Variants in RXRG observed in about 807,000 individuals in gnomAD.
The protein encoded by RXRG is retinoid X receptor gamma.
Under a neutral mutation model 49.2 loss-of-function variants are expected in RXRG, and 19 were observed. The observed-to-expected ratio is 0.39, with a 90% confidence interval of 0.27 to 0.57. RXRG has a LOEUF of 0.57. Ranked by LOEUF, RXRG falls within the 20% of genes least tolerant of loss-of-function variation. The pLI is 0.64. For synonymous variants in RXRG, 224 were observed against 216.6 expected, an observed-to-expected ratio of 1.03 and a Z score of -0.30; for missense variants, 452 against 592.5, an observed-to-expected ratio of 0.76 and a Z score of 2.46.
intron 2 of RXRG, among the ~76,000 whole-genome samples, chr1:165,420,602 G>T (rs564178151): frequency 6.6e-6 from 1 of 152,258 alleles, no homozygotes; most frequent in African/African-American, 2.4e-5. Context: ...ATGTGTAATG[G>T]TCATCTCTGC....
Position 165,445,005 on chromosome 1 carries a change from T to A in RXRG, c.-112A>T. The A allele has an allele frequency of 1.0e-6, 1 of 981,634 alleles. No homozygotes were observed. 60.8% of individuals were successfully genotyped at this position (981,634 alleles called of 1,614,324 possible). A position where few individuals can be genotyped will look rare whatever the true frequency, so the allele number is the denominator to read the frequency against. ...CAACTTGGGCTAACAAGAGTGGTCA[T>A]CGCTTCCTAGCAGCCCGGGGAGCAC... On this transcript the variant is annotated 5_prime_UTR_variant, in exon 1 of 10. An upstream start codon of the reference 5' UTR is lost. Coordinates refer to ENST00000359842, the MANE Select transcript of RXRG (RefSeq NM_006917.5).
At position 165,401,017 on chromosome 1, in the gene RXRG, T is replaced by G; in HGVS notation, c.*246A>C. ...ACCAATTGTATGTACAGAGGCTTGATTAGTTTTCCCAAGAACTTCCAGAAA... is the reference window on the plus strand; with the variant it reads ...ACCAATTGTATGTACAGAGGCTTGAGTAGTTTTCCCAAGAACTTCCAGAAA... On this transcript the variant is annotated 3_prime_UTR_variant, in exon 10 of 10. Coordinates refer to ENST00000359842, the MANE Select transcript of RXRG (RefSeq NM_006917.5). The G allele has an allele frequency of 2.2e-6, 1 of 452,068 alleles. No homozygotes were observed. Among genetic ancestry groups the G allele is most frequent in the Non-Finnish European group, 3.9e-6 (1 of 257,200 alleles). 28.0% of individuals were successfully genotyped at this position (452,068 alleles called of 1,614,324 possible).
At chr1:165,403,055 A>G (rs1657637154) in intron 9 of RXRG, among the ~76,000 whole-genome samples, 2 of 151,750 alleles carry the variant, frequency 1.3e-5, no homozygotes, top group African/African-American at 2.4e-5. Context: ...ACACTCACTC[A>G]TACACACCCT....
In RXRG at chr1:165,444,988, G is replaced by A; in HGVS notation, c.-95C>T. 1 of 1,194,340 alleles carries A rather than the reference G, an allele frequency of 8.4e-7. No individual in the cohort carries two copies. The highest frequency in any genetic ancestry group is 1.2e-6 in the Non-Finnish European group (1 of 801,234). The allele number at this position is 1,194,340 out of a possible 1,614,324, so 74.0% of individuals were successfully genotyped here. A position where few individuals can be genotyped will look rare whatever the true frequency, so the allele number is the denominator to read the frequency against. ...CACAGCCCGGCTTTCTTCAACTTGG[G>A]CTAACAAGAGTGGTCATCGCTTCCT... On this transcript the variant is annotated 5_prime_UTR_variant, in exon 1 of 10. Transcript: ENST00000359842.
chr1:165,403,950 T>C (rs1163397262), intron 9 of RXRG, among the ~76,000 whole-genome samples: 1 of 152,216 alleles, frequency 6.6e-6, no homozygotes, highest in African/African-American at 2.4e-5. Context: ...CCTTTGAAGG[T>C]GCCTGCTGTG....
At chr1:165,416,410 T>C (rs979925223) in intron 4 of RXRG, among the ~76,000 whole-genome samples, 1 of 152,206 alleles carries the variant, frequency 6.6e-6, no homozygotes, top group Admixed American at 6.5e-5. Context: ...AATTAAAAGA[T>C]GTGATGGTTT....
chr1:165,415,157 T>C (rs1003982797), intron 4 of RXRG, among the ~76,000 whole-genome samples: 11 of 151,920 alleles, frequency 7.2e-5, no homozygotes, highest in African/African-American at 2.7e-4. Flanking sequence ...AAAGTGAGAA[T>C]TGGGTAAAGA....
At chr1:165,422,899 C>A (rs1410401807) in intron 2 of RXRG, among the ~76,000 whole-genome samples, 3 of 152,180 alleles carry the variant, frequency 2.0e-5, no homozygotes, top group Admixed American at 1.3e-4. Context: ...ATCATCATTC[C>A]CCATTCACCA....
chr1:165,433,313 T>C (rs764062376), intron 1 of RXRG, among the ~76,000 whole-genome samples: 2 of 152,186 alleles, frequency 1.3e-5, no homozygotes, highest in Non-Finnish European at 2.9e-5. Flanking sequence ...AGGTATTTTG[T>C]AGCACAAGAT....
chr1:165,411,329 T>A (rs768489883), intron 4 of RXRG, among the ~76,000 whole-genome samples: 63 of 152,178 alleles, frequency 4.1e-4, no homozygotes, highest in Non-Finnish European at 6.6e-4. Flanking sequence ...TTCTTTCCAA[T>A]GCATTATGGT....
chr1:165,433,097 C>T (rs1416762085), intron 1 of RXRG, among the ~76,000 whole-genome samples: 2 of 151,912 alleles, frequency 1.3e-5, no homozygotes, highest in African/African-American at 2.4e-5. Context: ...CACAATTTGT[C>T]CATTTTTCCA....
intron 1 of RXRG, among the ~76,000 whole-genome samples, chr1:165,431,315 C>T (rs563081709): frequency 6.6e-6 from 1 of 152,324 alleles, no homozygotes; most frequent in South Asian, 2.1e-4. Context: ...GAGGGCAGCG[C>T]TCAAGAACTG....
intron 2 of RXRG, among the ~76,000 whole-genome samples, 161 bp downstream of exon 2, chr1:165,428,558 C>T (rs956795746): frequency 6.6e-6 from 1 of 152,210 alleles, no homozygotes; most frequent in African/African-American, 2.4e-5. Flanking sequence ...CCTGAGGACA[C>T]ATGCAATGAA....
chr1:165,412,983 G>A lies in RXRG; in HGVS notation c.623-1874C>T, dbSNP rs907312138. ...AAGCAAACTAAGTTAAGTTTCATTC[G>A]TGGTCCTCAATCAATGTCTTCTAGA... On this transcript the variant is annotated intron_variant, in intron 4 of 9. Coordinates refer to ENST00000359842, the MANE Select transcript of RXRG (RefSeq NM_006917.5). Among the ~76,000 whole-genome samples, 3 of 152,116 alleles carry A rather than the reference G, an allele frequency of 2.0e-5. No individual in the cohort carries two copies. The East Asian group carries it at 5.8e-4, about 29-fold the overall frequency.
intron 4 of RXRG, among the ~76,000 whole-genome samples, chr1:165,414,767 C>G (rs1245928645): frequency 6.6e-6 from 1 of 152,160 alleles, no homozygotes; most frequent in South Asian, 2.1e-4. Flanking sequence ...TATTTCATAT[C>G]GCATGCTCCA....
At chr1:165,435,936 A>G (rs1176195423) in intron 1 of RXRG, among the ~76,000 whole-genome samples, 1 of 152,196 alleles carries the variant, frequency 6.6e-6, no homozygotes, top group African/African-American at 2.4e-5. Context: ...AAGCAGCCAC[A>G]ATCAATGGGT....
intron 9 of RXRG, among the ~76,000 whole-genome samples, chr1:165,402,937 ACT>A (rs58655350): frequency 0.17 from 25,653 of 151,522 alleles, 2,766 homozygotes; most frequent in African/African-American, 0.31. Context: ...GCACATGCAC[ACT>A]CTTACACACA....
Position 165,428,777 on chromosome 1 carries a change from G to T in RXRG, c.239C>A (p.Pro80His). ...YRVITSAMGP[P>H]SGALAAPPGI... is the part of the protein sequence containing the mutation. ...TGGAGGCGCTGCAAGTGCTCCTGAG[G>T]GTGGGCCCATGGCAGAGGTGATGAC... The change falls in exon 2 of 10, where the codon CCC (proline) becomes CAC (histidine). Residue 80 changes from proline to histidine, a missense_variant. Transcript: ENST00000359842. The T allele has an allele frequency of 1.2e-6, 2 of 1,611,934 alleles. No individual in the cohort carries two copies. Among genetic ancestry groups the T allele is most frequent in the South Asian group, 2.2e-5 (2 of 91,050 alleles).
chr1:165,412,027 C>T (rs558280624), intron 4 of RXRG, among the ~76,000 whole-genome samples: 20 of 152,286 alleles, frequency 1.3e-4, no homozygotes, highest in Middle Eastern at 3.4e-3. Context: ...AGGTGACTAG[C>T]CTGAAACTCC....
Sources: gnomAD v4.1 joint callset for allele counts (sites outside exome capture counted in the v4.1 genomes callset) on GRCh38, gnomAD v4.1.1 for gene constraint, MANE v1.5 for transcripts, NCBI Gene and HGNC (gene_info 2026-07-23, HGNC 2026-07-21) for gene names.